The following PPP2R2B variants were observed in gnomAD, a reference collection of about 807,000 sequenced individuals.
PPP2R2B encodes the protein protein phosphatase 2 regulatory subunit Bbeta.
In PPP2R2B, 5 loss-of-function variants were observed where a neutral mutation model predicts 46.0. The ratio of observed to expected loss-of-function variants is 0.11; its 90% CI spans 0.06 to 0.23. The LOEUF is 0.23. Among genes scored for constraint, PPP2R2B ranks in the 10% least tolerant of loss-of-function variants. The probability of loss-of-function intolerance (pLI) is 1.00; values close to 1 mark genes in which losing one functional copy is unlikely to be tolerated. For missense variants in PPP2R2B, 367 were observed against 575.0 expected (o/e 0.64, Z 3.70); for synonymous variants, 215 against 206.7 (o/e 1.04, Z -0.34).
At chr5:146,633,253 C>T (rs1184789299) in intron 7 of PPP2R2B, among the ~76,000 whole-genome samples, 6 of 152,164 alleles carry the variant, frequency 3.9e-5, no homozygotes, top group Non-Finnish European at 7.3e-5. Flanking sequence ...CGGTTCTCCT[C>T]GGCATTTTGA....
chr5:146,602,211 C>CATT (rs1176025166), intron 7 of PPP2R2B, among the ~76,000 whole-genome samples: 3 of 152,212 alleles, frequency 2.0e-5, no homozygotes, highest in East Asian at 3.9e-4. Flanking sequence ...TCATTTTTCA[C>CATT]ATTATTATTA....
intron 2 of PPP2R2B, among the ~76,000 whole-genome samples, chr5:146,754,438 C>T (rs1040843941): frequency 9.9e-5 from 15 of 152,022 alleles, no homozygotes; most frequent in African/African-American, 2.7e-4. Context: ...GATTGTTAAG[C>T]GAAAAAAGCA....
At chr5:146,984,579 T>C (rs545324539) in intron 1 of PPP2R2B, among the ~76,000 whole-genome samples, 1 of 152,224 alleles carries the variant, frequency 6.6e-6, no homozygotes, top group Non-Finnish European at 1.5e-5. Context: ...AAACTGATTT[T>C]AATGTCTTTG....
At chr5:146,811,250 G>A (rs899010807) in intron 2 of PPP2R2B, among the ~76,000 whole-genome samples, 9 of 152,082 alleles carry the variant, frequency 5.9e-5, no homozygotes, top group African/African-American at 1.4e-4. Context: ...TGTCCACCTC[G>A]GCCTCTGAAA....
At chr5:146,614,247 G>A (rs1270983879) in intron 7 of PPP2R2B, among the ~76,000 whole-genome samples, 804 of 101,124 alleles carry the variant, frequency 8.0e-3, no homozygotes, top group African/African-American at 0.024. Context: ...ACAAGCAATG[G>A]GGAAAGGATT....
rs1308173054 is a variant in PPP2R2B at position 146,581,117 on chromosome 5, A to G, written c.*8830T>C. The G allele has an allele frequency of 6.6e-6, 1 of 152,174 alleles. No homozygotes were observed. Among genetic ancestry groups the G allele is most frequent in the Admixed American group, 6.6e-5 (1 of 15,264 alleles). The allele number at this position is 152,174 out of a possible 1,614,324, so 9.4% of individuals were successfully genotyped here. Reference sequence around the variant, plus strand: ...TCTATTAGTCTGTTCTTGCATTGCTATAAAGAAAAACCCGAGACTGGGTAA... The same window carrying G: ...TCTATTAGTCTGTTCTTGCATTGCTGTAAAGAAAAACCCGAGACTGGGTAA... On this transcript the variant is annotated 3_prime_UTR_variant, in exon 10 of 10. Transcript: ENST00000394411.
At chr5:146,639,920 A>G (rs746139713) in intron 6 of PPP2R2B, among the ~76,000 whole-genome samples, 1 of 152,244 alleles carries the variant, frequency 6.6e-6, no homozygotes, top group East Asian at 1.9e-4. Context: ...ATTTTGGACA[A>G]CAATGTATTG....
intron 7 of PPP2R2B, among the ~76,000 whole-genome samples, chr5:146,605,202 A>C (rs1294171426): frequency 1.3e-5 from 2 of 152,200 alleles, no homozygotes; most frequent in Non-Finnish European, 2.9e-5. Flanking sequence ...ACAGAGGCAG[A>C]ATTTGAACTC....
chr5:146,681,447 C>T (rs1157531818), intron 5 of PPP2R2B, among the ~76,000 whole-genome samples: 1 of 152,340 alleles, frequency 6.6e-6, no homozygotes, highest in East Asian at 1.9e-4. Context: ...ACCCATTGCT[C>T]TAGCAACAGT....
chr5:146,728,917 A>G (rs1272293366), intron 2 of PPP2R2B, among the ~76,000 whole-genome samples: 7 of 152,204 alleles, frequency 4.6e-5, no homozygotes, highest in Non-Finnish European at 5.9e-5. Flanking sequence ...CAGCATGAAA[A>G]CAGACTAATA....
chr5:146,780,430 G>C (rs1001184565), intron 2 of PPP2R2B, among the ~76,000 whole-genome samples: 17 of 152,302 alleles, frequency 1.1e-4, no homozygotes, highest in Admixed American at 3.3e-4. Context: ...CCTGCGGTAC[G>C]AGGAATACAG....
rs914753263 is a variant in PPP2R2B at position 147,078,834 on chromosome 5, C to T, written c.50+2225G>A. 8.7e-5 allele frequency among the ~76,000 whole-genome samples: 13 copies of T among 150,220 alleles called. No homozygotes were observed. The South Asian group carries it at 1.3e-3, about 15-fold the overall frequency. On this transcript the variant is annotated intron_variant, in intron 2 of 10. Coordinates refer to the PPP2R2B transcript ENST00000394413. ...AAAAAAAAAAAAAAAAAAATTGTATCACCCTGACCCTTGAAACTCTAACTT... is the reference window on the plus strand; with the variant it reads ...AAAAAAAAAAAAAAAAAAATTGTATTACCCTGACCCTTGAAACTCTAACTT...
chr5:146,717,808 C>T (rs1323547280), intron 2 of PPP2R2B, among the ~76,000 whole-genome samples: 1 of 152,092 alleles, frequency 6.6e-6, no homozygotes, highest in Non-Finnish European at 1.5e-5. Context: ...CCTGCTTTCC[C>T]CCTTAATTTG....
At chr5:146,851,221 T>C (rs912036951) in intron 2 of PPP2R2B, among the ~76,000 whole-genome samples, 3 of 152,110 alleles carry the variant, frequency 2.0e-5, no homozygotes, top group Non-Finnish European at 2.9e-5. Context: ...TTTCACAATA[T>C]CTCAAATGCT....
chr5:146,900,554 T>TC (rs1762796269), intron 1 of PPP2R2B, among the ~76,000 whole-genome samples: 1 of 110,054 alleles, frequency 9.1e-6, no homozygotes, highest in African/African-American at 4.0e-5. Flanking sequence ...TTCCTTCCTT[T>TC]CTTCCTTCCT....
intron 5 of PPP2R2B, among the ~76,000 whole-genome samples, chr5:146,651,257 A>G (rs1198708041): frequency 6.6e-6 from 1 of 152,166 alleles, no homozygotes; most frequent in Non-Finnish European, 1.5e-5. Flanking sequence ...TAATCGTCCA[A>G]ATTCAGCCAC....
intron 5 of PPP2R2B, among the ~76,000 whole-genome samples, chr5:146,670,070 A>T (rs1461983961): frequency 6.6e-6 from 1 of 152,222 alleles, no homozygotes; most frequent in Non-Finnish European, 1.5e-5. Flanking sequence ...TCAGGTTGTG[A>T]TTAGCATAGG....
At chr5:146,628,311 TGCC>T (rs1197364012) in intron 7 of PPP2R2B, among the ~76,000 whole-genome samples, 3 of 152,198 alleles carry the variant, frequency 2.0e-5, no homozygotes, top group Non-Finnish European at 4.4e-5. Context: ...AAAGTCAGAC[TGCC>T]CCTGGACAGG....
At position 146,698,081 on chromosome 5, in the gene PPP2R2B, G is replaced by A; in HGVS notation, c.232C>T (p.Pro78Ser). The A allele has an allele frequency of 6.2e-7, 1 of 1,612,382 alleles. No homozygotes were observed. The highest frequency in any genetic ancestry group is 8.5e-7 in the Non-Finnish European group (1 of 1,179,388). Reference protein sequence around the residue: ...NVYSTFQSHEPEFDYLKSLEI... With the variant: ...NVYSTFQSHESEFDYLKSLEI... ...AAACTCTTCAGGTAATCGAACTCGGGTTCATGGCTCTGGAATGTGCTGTAA... is the reference window on the plus strand; with the variant it reads ...AAACTCTTCAGGTAATCGAACTCGGATTCATGGCTCTGGAATGTGCTGTAA... The change falls in exon 4 of 10, where the codon CCC becomes TCC. Residue 78 changes from proline (P) to serine (S), a missense_variant. Transcript: ENST00000394411.
Sources: gnomAD v4.1 joint callset for allele counts (sites outside exome capture counted in the v4.1 genomes callset) on GRCh38, gnomAD v4.1.1 for gene constraint, MANE v1.5 for transcripts, NCBI Gene and HGNC (gene_info 2026-07-23, HGNC 2026-07-21) for gene names.